The following LINC00632 variants were observed in gnomAD, a reference collection of about 807,000 sequenced individuals.
LINC00632 encodes the protein ALDOA related specific transcript.
chrX:140,713,427 A>T, intron 2 of LINC00632: 1 of 293,671 alleles, frequency 3.4e-6, no homozygotes, highest in Non-Finnish European at 6.8e-6. Context: ...TCGTTTCCTC[A>T]GATGTAAAAT....
intron 3 of LINC00632, among the ~76,000 whole-genome samples, chrX:140,739,170 G>A (rs765703624): frequency 1.8e-4 from 20 of 111,269 alleles, no homozygotes; most frequent in African/African-American, 6.2e-4. Flanking sequence ...AATTCCAGTG[G>A]TGGATAATGC....
chrX:140,735,111 A>T lies in LINC00632; in HGVS notation n.191+1147A>T, dbSNP rs73234922. On this transcript the variant is annotated intron_variant and non_coding_transcript_variant, in intron 3 of 4. Transcript: ENST00000648200. The stretch of plus-strand genomic sequence containing the variant: ...ATATGATTTTATTTTCCCCAAACTA[A>T]TTTTTGAATCGGAGAATGACTCTTA... Among the ~76,000 whole-genome samples the T allele has an allele frequency of 5.4e-3, 599 of 111,306 alleles. 1 individual carries two copies. The highest frequency in any genetic ancestry group is 9.2e-3 in the Middle Eastern group (2 of 217).
chrX:140,786,155 TAAC>T (rs1932015885), exon 5 of LINC00632, among the ~76,000 whole-genome samples: 1 of 112,074 alleles, frequency 8.9e-6, no homozygotes, highest in South Asian at 3.7e-4. Context: ...CTCTATGTGA[TAAC>T]AAAAAGGAAC....
intron 3 of LINC00632, among the ~76,000 whole-genome samples, chrX:140,763,300 G>A (rs1161269461): frequency 1.9e-5 from 2 of 107,475 alleles, no homozygotes; most frequent in African/African-American, 6.8e-5. Context: ...CTACTTAGGA[G>A]GCTGAGGCAG....
chrX:140,781,044 A>G (rs1184381450), exon 5 of LINC00632, among the ~76,000 whole-genome samples: 2 of 110,949 alleles, frequency 1.8e-5, no homozygotes, highest in African/African-American at 6.6e-5. Context: ...TAGACGTTTA[A>G]TAACCACCCA....
chrX:140,745,627 A>G (rs947535544), intron 3 of LINC00632, among the ~76,000 whole-genome samples: 4 of 111,878 alleles, frequency 3.6e-5, no homozygotes, highest in African/African-American at 9.7e-5. Flanking sequence ...AGATGCCCCA[A>G]TGCTGCTTCA....
chrX:140,772,187 G>T, exon 4 of LINC00632: 1 of 295,934 alleles, frequency 3.4e-6, no homozygotes. Context: ...CCCTAAGTCC[G>T]CGCCTTTGAG....
chrX:140,786,421 G>T lies in LINC00632; in HGVS notation n.14440G>T, dbSNP rs748674183. Among the ~76,000 whole-genome samples, 5 of 111,553 alleles carry T rather than the reference G, an allele frequency of 4.5e-5. No individual in the cohort carries two copies. In the East Asian group the frequency reaches 1.4e-3, roughly 32 times the overall value. On this transcript the variant is annotated non_coding_transcript_exon_variant, in exon 5 of 5. Coordinates refer to ENST00000648200, the Ensembl canonical transcript of LINC00632. ...AATCAAGGAAAGCATTCCTAAAGAA[G>T]TAATATTTATTGTGACTCTGAAGAA...
intron 2 of LINC00632, among the ~76,000 whole-genome samples, chrX:140,716,816 G>GACACACACACAT (rs1192743239): frequency 5.5e-4 from 39 of 70,789 alleles, no homozygotes; most frequent in Middle Eastern, 7.4e-3. Context: ...CACACACACA[G>GACACACACACAT]ACACACACAC....
chrX:140,719,046 A>G (rs1284612454), intron 2 of LINC00632, among the ~76,000 whole-genome samples: 1 of 112,192 alleles, frequency 8.9e-6, no homozygotes, highest in African/African-American at 3.2e-5. Flanking sequence ...TTAACAGACA[A>G]GAAACCAGGA....
At chrX:140,743,576 AGAC>A (rs1320153456) in intron 3 of LINC00632, among the ~76,000 whole-genome samples, 5 of 111,708 alleles carry the variant, frequency 4.5e-5, no homozygotes, top group Non-Finnish European at 9.4e-5. Flanking sequence ...AAAAAGGTAA[AGAC>A]AGCCTTCCCA....
intron 3 of LINC00632, among the ~76,000 whole-genome samples, chrX:140,763,267 G>GCCA (rs765788154): frequency 4.6e-5 from 5 of 109,491 alleles, no homozygotes; most frequent in Non-Finnish European, 7.6e-5. Context: ...GCCAGGCATA[G>GCCA]TGGCGGGTGC....
At chrX:140,788,789 A>T (rs1932057966) in exon 5 of LINC00632, among the ~76,000 whole-genome samples, 1 of 105,019 alleles carries the variant, frequency 9.5e-6, no homozygotes, top group Non-Finnish European at 1.9e-5. Context: ...ATATATGTAT[A>T]TTCCATATAT....
At chrX:140,749,805 G>C (rs976045033) in intron 3 of LINC00632, among the ~76,000 whole-genome samples, 4 of 110,477 alleles carry the variant, frequency 3.6e-5, no homozygotes, top group Non-Finnish European at 5.7e-5. Context: ...TTAGCTGCCT[G>C]AGTAATTGGG....
intron 3 of LINC00632, among the ~76,000 whole-genome samples, chrX:140,742,029 C>T (rs1252916334): frequency 8.9e-6 from 1 of 112,033 alleles, no homozygotes; most frequent in African/African-American, 3.2e-5. Context: ...TGTGCTCCTC[C>T]CTGTCTCTCA....
chrX:140,769,483 C>A (rs1931753650), intron 3 of LINC00632, among the ~76,000 whole-genome samples: 1 of 109,756 alleles, frequency 9.1e-6, no homozygotes, highest in Admixed American at 9.8e-5. Context: ...ACCCCACCCC[C>A]CCCATGAAAG....
At chrX:140,776,732 G>C (rs886423586) in exon 5 of LINC00632, among the ~76,000 whole-genome samples, 1 of 111,711 alleles carries the variant, frequency 9.0e-6, no homozygotes. Flanking sequence ...AGACAGTGTG[G>C]CGATTCCTCA....
chrX:140,727,395 G>A (rs978462104), intron 2 of LINC00632, among the ~76,000 whole-genome samples: 2 of 111,596 alleles, frequency 1.8e-5, no homozygotes, highest in Non-Finnish European at 3.8e-5. Flanking sequence ...GGGTTCAAGC[G>A]ATTTTCCTGT....
chrX:140,776,187 G>A (rs2148402855), exon 5 of LINC00632, among the ~76,000 whole-genome samples: 1 of 112,283 alleles, frequency 8.9e-6, no homozygotes, highest in South Asian at 3.7e-4. Flanking sequence ...CATCATCACT[G>A]ATCATTAGAG....
Sources: allele counts gnomAD v4.1 joint callset (sites outside exome capture counted in the v4.1 genomes callset), GRCh38; gene constraint gnomAD v4.1.1; transcripts MANE v1.5; gene names NCBI Gene and HGNC (gene_info 2026-07-23, HGNC 2026-07-21).